The following SUPT3H variants were observed in gnomAD, a reference collection of about 807,000 sequenced individuals.
The protein encoded by SUPT3H is transcription initiation protein SPT3 homolog.
In SUPT3H, 44 loss-of-function variants were observed where a neutral mutation model predicts 44.3. The ratio of observed to expected loss-of-function variants is 0.99; its 90% CI spans 0.78 to 1.28. SUPT3H has a LOEUF of 1.28. Among genes scored for constraint, SUPT3H ranks in the 50% most tolerant of loss-of-function variants. The probability of loss-of-function intolerance (pLI) is 0.00; values close to 1 mark genes in which losing one functional copy is unlikely to be tolerated. For synonymous variants in SUPT3H, 124 were observed against 125.6 expected, an observed-to-expected ratio of 0.99 and a Z score of 0.09; for missense variants, 380 against 387.1, an observed-to-expected ratio of 0.98 and a Z score of 0.15.
chr6:45,195,613 T>C (rs1748242), intron 2 of SUPT3H, among the ~76,000 whole-genome samples: 95,161 of 151,986 alleles, frequency 0.63, 30,584 homozygotes, highest in African/African-American at 0.78. Flanking sequence ...ATTATTTTGA[T>C]TGTGATATGA....
At chr6:45,168,969 C>T (rs1035633681) in intron 2 of SUPT3H, among the ~76,000 whole-genome samples, 1 of 152,096 alleles carries the variant, frequency 6.6e-6, no homozygotes, top group Non-Finnish European at 1.5e-5. Context: ...CAACTGGACT[C>T]GTTAATTCCA....
rs182492283 is a variant in SUPT3H at position 45,256,661 on chromosome 6, T to C, written c.101+108540A>G. On this transcript the variant is annotated intron_variant, in intron 2 of 10. Transcript: ENST00000371459. ...CAAATCTGCTTTCTGTTGGTATAAA[T>C]TTCCCAATTATAGACTTTTATAGTA... Among the ~76,000 whole-genome samples the C allele has an allele frequency of 2.3e-4, 35 of 151,928 alleles. No individual in the cohort carries two copies. The East Asian group carries it at 5.0e-3, about 22-fold the overall frequency.
chr6:45,062,614 C>G lies in SUPT3H; in HGVS notation c.187-41982G>C, dbSNP rs866318688. 2.7e-4 allele frequency among the ~76,000 whole-genome samples: 41 copies of G among 152,230 alleles called. 2 individuals are homozygous for G. The highest frequency in any genetic ancestry group is 8.2e-4 in the African/African-American group (34 of 41,544). On this transcript the variant is annotated intron_variant, in intron 3 of 10. Coordinates refer to ENST00000371459, the MANE Select transcript of SUPT3H (RefSeq NM_003599.4). The stretch of plus-strand genomic sequence containing the variant: ...GGCCAGTGGGTGCGCGCACCATGCG[C>G]AAGCCGAAGCAGGGCGAGGCATTGC...
In SUPT3H at chr6:45,067,190, C is replaced by G. The variant is rs1346447772; in HGVS notation, c.186+38732G>C. On this transcript the variant is annotated intron_variant, in intron 3 of 10. Transcript: ENST00000371459. ...TACAACTATCTGATCTTTGACAAACCTGAGAAAAACAAGCAATGGGGAAAG... is the reference window on the plus strand; with the variant it reads ...TACAACTATCTGATCTTTGACAAACGTGAGAAAAACAAGCAATGGGGAAAG... Among the ~76,000 whole-genome samples, 281 of 142,294 alleles carry G rather than the reference C, an allele frequency of 2.0e-3. 2 individuals are homozygous for G. Among genetic ancestry groups the G allele is most frequent in the African/African-American group, 7.0e-3 (269 of 38,386 alleles). 93.4% of individuals were successfully genotyped at this position (142,294 alleles called of 152,430 possible).
At chr6:45,176,975 A>C (rs1373504050) in intron 2 of SUPT3H, among the ~76,000 whole-genome samples, 1 of 152,234 alleles carries the variant, frequency 6.6e-6, no homozygotes, top group African/African-American at 2.4e-5. Context: ...GGGAAAAAAC[A>C]GAGCAGAAAA....
intron 2 of SUPT3H, among the ~76,000 whole-genome samples, chr6:45,209,938 T>G (rs552554403): frequency 2.6e-4 from 40 of 152,106 alleles, no homozygotes; most frequent in Non-Finnish European, 4.3e-4. Context: ...AAAAAGACTA[T>G]GACACATTGA....
chr6:45,100,028 A>T (rs1022410039), intron 3 of SUPT3H, among the ~76,000 whole-genome samples: 2 of 152,252 alleles, frequency 1.3e-5, no homozygotes, highest in East Asian at 3.9e-4. Flanking sequence ...GAAAACCTGG[A>T]TGTCTATATG....
intron 2 of SUPT3H, among the ~76,000 whole-genome samples, chr6:45,183,086 G>T (rs1813568679): frequency 6.6e-6 from 1 of 152,166 alleles, no homozygotes; most frequent in African/African-American, 2.4e-5. Context: ...AGTGTCAAAA[G>T]GTGAATGGAT....
chr6:45,149,960 A>G (rs756902591), intron 2 of SUPT3H, among the ~76,000 whole-genome samples: 12 of 152,144 alleles, frequency 7.9e-5, no homozygotes, highest in Non-Finnish European at 1.0e-4. Context: ...AATCACCTGA[A>G]CAATTTTTTT....
chr6:45,256,095 C>T (rs1159877999), intron 2 of SUPT3H, among the ~76,000 whole-genome samples: 4 of 152,080 alleles, frequency 2.6e-5, no homozygotes, highest in Admixed American at 1.3e-4. Context: ...GGTGTGAACC[C>T]GGGAGGCGGG....
At chr6:45,329,596 C>G (rs1293229863) in intron 2 of SUPT3H, among the ~76,000 whole-genome samples, 1 of 151,028 alleles carries the variant, frequency 6.6e-6, no homozygotes, top group Non-Finnish European at 1.5e-5. Context: ...TAATCACATT[C>G]TTGGACCTAC....
chr6:44,911,344 G>A (rs1199092512), intron 10 of SUPT3H, among the ~76,000 whole-genome samples: 2 of 151,982 alleles, frequency 1.3e-5, no homozygotes, highest in African/African-American at 4.8e-5. Flanking sequence ...TTTCCTTTGG[G>A]CAGATTCAGA....
chr6:45,282,420 C>A (rs997545957), intron 2 of SUPT3H, among the ~76,000 whole-genome samples: 10 of 152,044 alleles, frequency 6.6e-5, no homozygotes, highest in Non-Finnish European at 1.0e-4. Context: ...AACCATGGCA[C>A]GAGAACTACG....
At chr6:45,219,130 C>T (rs1212940370) in intron 2 of SUPT3H, among the ~76,000 whole-genome samples, 1 of 151,888 alleles carries the variant, frequency 6.6e-6, no homozygotes, top group African/African-American at 2.4e-5. Context: ...ACTCATATCA[C>T]TACATGCTTA....
At chr6:44,999,824 C>T (rs556611898) in intron 6 of SUPT3H, among the ~76,000 whole-genome samples, 1 of 152,018 alleles carries the variant, frequency 6.6e-6, no homozygotes, top group East Asian at 1.9e-4. Flanking sequence ...ATAGGTGTAT[C>T]TTTTAGTAAC....
intron 2 of SUPT3H, among the ~76,000 whole-genome samples, chr6:45,166,901 T>C (rs1335749927): frequency 2.6e-5 from 4 of 152,200 alleles, no homozygotes; most frequent in South Asian, 2.1e-4. Flanking sequence ...TATGAGTAAC[T>C]AGAACTCTCA....
At chr6:45,279,853 T>C (rs1040376130) in intron 2 of SUPT3H, among the ~76,000 whole-genome samples, 3 of 152,212 alleles carry the variant, frequency 2.0e-5, no homozygotes, top group Admixed American at 6.5e-5. Context: ...AATAGCCTAG[T>C]TGATATTTCA....
intron 3 of SUPT3H, among the ~76,000 whole-genome samples, chr6:45,061,507 C>A (rs749641351): frequency 3.3e-5 from 5 of 152,100 alleles, no homozygotes; most frequent in Non-Finnish European, 5.9e-5. Flanking sequence ...TAATACCTAG[C>A]TGATGGGTTG....
intron 3 of SUPT3H, among the ~76,000 whole-genome samples, chr6:45,047,530 A>G (rs1409769939): frequency 6.6e-6 from 1 of 152,164 alleles, no homozygotes; most frequent in African/African-American, 2.4e-5. Context: ...ACAAACAACT[A>G]TTTTAAGGAA....
Sources: allele counts gnomAD v4.1 joint callset (sites outside exome capture counted in the v4.1 genomes callset), GRCh38; gene constraint gnomAD v4.1.1; transcripts MANE v1.5; gene names NCBI Gene and HGNC (gene_info 2026-07-23, HGNC 2026-07-21).